Variants in AGBL1 observed in about 807,000 individuals in gnomAD.
AGBL1 encodes the protein AGBL carboxypeptidase 1.
AGBL1 carries 130 observed loss-of-function variants against 118.9 expected under a neutral mutation model. The observed-to-expected ratio is 1.09, with a 90% CI of 0.95 to 1.26. The LOEUF is 1.26. Ranked by LOEUF, AGBL1 falls within the 50% of genes most tolerant of loss-of-function variation. The pLI, the probability that AGBL1 is intolerant of heterozygous loss-of-function variation, is 0.00. For synonymous variants in AGBL1, 555 were observed against 478.9 expected, an observed-to-expected ratio of 1.16 and a Z score of -2.08; for missense variants, 1,584 against 1,298.1, an observed-to-expected ratio of 1.22 and a Z score of -3.38.
chr15:86,107,098 G>A (rs1431489934), intron 1 of AGBL1, among the ~76,000 whole-genome samples: 1 of 152,156 alleles, frequency 6.6e-6, no homozygotes, highest in Non-Finnish European at 1.5e-5. Flanking sequence ...AACATTCAGG[G>A]CACAAAATCA....
intron 3 of AGBL1, among the ~76,000 whole-genome samples, chr15:86,149,176 C>T (rs8042214): frequency 0.038 from 5,730 of 152,158 alleles, 157 homozygotes; most frequent in Middle Eastern, 0.092. Flanking sequence ...CAAAAACATG[C>T]CAAATTGTAA....
chr15:86,458,632 A>G (rs1193992821), intron 18 of AGBL1, among the ~76,000 whole-genome samples: 2 of 152,172 alleles, frequency 1.3e-5, no homozygotes, highest in Admixed American at 6.6e-5. Context: ...ATTTTCTAAC[A>G]TATTTATCTC....
intron 17 of AGBL1, among the ~76,000 whole-genome samples, chr15:86,358,482 A>G (rs1215469230): frequency 2.0e-5 from 3 of 152,024 alleles, no homozygotes; most frequent in African/African-American, 4.8e-5. Flanking sequence ...TTATCTTGCA[A>G]TAAACATGGG....
At chr15:86,346,252 A>T (rs922640086) in intron 17 of AGBL1, among the ~76,000 whole-genome samples, 2 of 152,140 alleles carry the variant, frequency 1.3e-5, no homozygotes, top group African/African-American at 4.8e-5. Flanking sequence ...AAGTGCTGGG[A>T]TTATAAGGCA....
At chr15:87,028,373 G>GAGTA (rs1226839941) in intron 24 of AGBL1, among the ~76,000 whole-genome samples, 2 of 152,056 alleles carry the variant, frequency 1.3e-5, no homozygotes, top group East Asian at 3.9e-4. Context: ...CGTGGTTAGT[G>GAGTA]AGTAAGTCAG....
chr15:86,682,336 A>G (rs547483996), intron 22 of AGBL1, among the ~76,000 whole-genome samples: 102 of 152,328 alleles, frequency 6.7e-4, no homozygotes, highest in Admixed American at 3.3e-4. Context: ...CAAAAAACAA[A>G]CAAACAAAAA....
intron 17 of AGBL1, among the ~76,000 whole-genome samples, chr15:86,382,285 C>T (rs565519141): frequency 2.1e-4 from 32 of 152,256 alleles, no homozygotes; most frequent in Admixed American, 9.8e-4. Flanking sequence ...AACTTTGAAA[C>T]GAAGGGGCCA....
At chr15:86,696,064 T>G (rs891782408) in intron 22 of AGBL1, among the ~76,000 whole-genome samples, 1 of 152,062 alleles carries the variant, frequency 6.6e-6, no homozygotes, top group African/African-American at 2.4e-5. Flanking sequence ...TCTGTGGTTA[T>G]TGGTTAGAAT....
intron 6 of AGBL1, among the ~76,000 whole-genome samples, chr15:86,227,497 T>C (rs895066638): frequency 6.6e-6 from 1 of 152,240 alleles, no homozygotes; most frequent in South Asian, 2.1e-4. Flanking sequence ...GCAACATCCC[T>C]GGCCTCTACC....
At chr15:86,562,717 G>C (rs2083845068) in intron 21 of AGBL1, among the ~76,000 whole-genome samples, 1 of 152,324 alleles carries the variant, frequency 6.6e-6, no homozygotes, top group South Asian at 2.1e-4. Context: ...CAGAAGGAAT[G>C]GTACCAGCTC....
chr15:86,365,867 C>T (rs1037129244), intron 17 of AGBL1, among the ~76,000 whole-genome samples: 4 of 152,096 alleles, frequency 2.6e-5, no homozygotes, highest in Admixed American at 6.5e-5. Flanking sequence ...ATCTGTGCTT[C>T]GTTTTATCCT....
At chr15:86,989,908 A>G (rs1401595424) in intron 24 of AGBL1, among the ~76,000 whole-genome samples, 1 of 152,198 alleles carries the variant, frequency 6.6e-6, no homozygotes, top group Non-Finnish European at 1.5e-5. Flanking sequence ...GAAGTTGGTC[A>G]GGATGGCGAA....
intron 22 of AGBL1, among the ~76,000 whole-genome samples, chr15:86,790,195 ACT>A (rs1297426801): frequency 3.6e-4 from 55 of 152,172 alleles, no homozygotes; most frequent in Non-Finnish European, 7.3e-5. Flanking sequence ...TGAGGAAAGT[ACT>A]GTGTTTCTCC....
At chr15:86,877,126 T>C (rs965784793) in intron 22 of AGBL1, among the ~76,000 whole-genome samples, 4 of 152,082 alleles carry the variant, frequency 2.6e-5, no homozygotes, top group Non-Finnish European at 5.9e-5. Flanking sequence ...TTCCAACCTT[T>C]CTCTGTTCAA....
At chr15:86,444,394 A>G (rs949691682) in intron 18 of AGBL1, among the ~76,000 whole-genome samples, 2 of 152,086 alleles carry the variant, frequency 1.3e-5, no homozygotes, top group Non-Finnish European at 2.9e-5. Flanking sequence ...ACCTGGATTC[A>G]CTCAGCTATT....
chr15:86,868,231 A>G (rs2079662674), intron 22 of AGBL1, among the ~76,000 whole-genome samples: 1 of 152,232 alleles, frequency 6.6e-6, no homozygotes, highest in South Asian at 2.1e-4. Context: ...TAGAGTGAAG[A>G]TGATTTGGTT....
intron 1 of AGBL1, among the ~76,000 whole-genome samples, chr15:86,103,754 G>A (rs562253308): frequency 8.0e-4 from 122 of 152,344 alleles, no homozygotes; most frequent in African/African-American, 2.9e-3. Flanking sequence ...TGCAGGCTGA[G>A]CATGCCTTTC....
intron 17 of AGBL1, among the ~76,000 whole-genome samples, chr15:86,350,758 G>A (rs1009464943): frequency 6.6e-6 from 1 of 152,210 alleles, no homozygotes; most frequent in Non-Finnish European, 1.5e-5. Context: ...AAACACGTCA[G>A]GATATTACAT....
At chr15:86,400,422 A>G (rs2081426803) in intron 18 of AGBL1, among the ~76,000 whole-genome samples, 3 of 149,766 alleles carry the variant, frequency 2.0e-5, no homozygotes, top group Admixed American at 2.0e-4. Flanking sequence ...TCTTATTAAT[A>G]GGCTCCTTTT....
Sources: allele counts gnomAD v4.1 joint callset (sites outside exome capture counted in the v4.1 genomes callset), GRCh38; gene constraint gnomAD v4.1.1; transcripts MANE v1.5; gene names NCBI Gene and HGNC (gene_info 2026-07-23, HGNC 2026-07-21).